The following LNPK variants were observed in gnomAD, a reference collection of about 807,000 sequenced individuals.
LNPK encodes endoplasmic reticulum junction formation protein lunapark.
Under a neutral mutation model 55.2 loss-of-function variants are expected in LNPK, and 29 were observed. The ratio of observed to expected loss-of-function variants is 0.53; its 90% CI spans 0.39 to 0.72. The LOEUF (loss-of-function observed/expected upper bound fraction) is 0.72, where lower values mean the gene tolerates loss of function less well. LNPK is among the 30% of genes least tolerant of loss of function. LNPK has a pLI of 0.00. For missense variants in LNPK, 467 were observed against 494.8 expected, an observed-to-expected ratio of 0.94 and a Z score of 0.53; for synonymous variants, 162 against 168.2, an observed-to-expected ratio of 0.96 and a Z score of 0.29.
chr2:175,970,730 A>G, intron 6 of LNPK, 34 bp downstream of exon 6: 1 of 1,126,772 alleles, frequency 8.9e-7, no homozygotes, highest in Non-Finnish European at 1.2e-6. Flanking sequence ...TTATTAGTTT[A>G]ATATAAATTA....
chr2:175,938,679 T>TA (rs1195409764), intron 10 of LNPK: 1 of 186,622 alleles, frequency 5.4e-6, no homozygotes, highest in African/African-American at 2.3e-5. Flanking sequence ...ACTGAACACT[T>TA]AAATTTTGGT....
intron 8 of LNPK, among the ~76,000 whole-genome samples, chr2:175,961,138 C>T (rs1054013146): frequency 1.3e-5 from 2 of 152,182 alleles, no homozygotes; most frequent in African/African-American, 4.8e-5. Flanking sequence ...CAAAGAGAAG[C>T]TGGCACCATT....
intron 12 of LNPK, among the ~76,000 whole-genome samples, chr2:175,933,892 T>C (rs1684410141): frequency 2.0e-5 from 3 of 152,070 alleles, no homozygotes; most frequent in Non-Finnish European, 4.4e-5. Context: ...CCACCACACC[T>C]GGATCATTTT....
At chr2:175,988,665 T>C (rs1048566569) in intron 4 of LNPK, among the ~76,000 whole-genome samples, 15 of 152,174 alleles carry the variant, frequency 9.9e-5, no homozygotes, top group African/African-American at 3.4e-4. Flanking sequence ...CAATGATTTA[T>C]TTTGGTGTAA....
chr2:175,986,362 AAAATAT>A lies in LNPK; in HGVS notation c.257+5863_257+5868del, dbSNP rs1359899702. On this transcript the variant is annotated intron_variant, in intron 4 of 12. Coordinates refer to ENST00000272748, the MANE Select transcript of LNPK (RefSeq NM_030650.3). The stretch of plus-strand genomic sequence containing the variant: ...GAAATTTTAACTAAGACAATAAATA[AAAATAT>A]AAATATATATTTGCCATCCATAAAT... Among the ~76,000 whole-genome samples the A allele has an allele frequency of 2.0e-5, 3 of 152,078 alleles. No homozygotes were observed. The East Asian group carries it at 5.8e-4, about 29-fold the overall frequency.
At chr2:175,934,252 A>G (rs1221785959) in intron 12 of LNPK, among the ~76,000 whole-genome samples, 2 of 152,224 alleles carry the variant, frequency 1.3e-5, no homozygotes, top group Non-Finnish European at 2.9e-5. Flanking sequence ...ACATTATCAA[A>G]TAGTTTAATT....
chr2:175,982,197 TG>T (rs1474283001), intron 4 of LNPK, among the ~76,000 whole-genome samples: 2 of 107,554 alleles, frequency 1.9e-5, no homozygotes, highest in African/African-American at 8.4e-5. Context: ...AGTAGCAGGC[TG>T]GAAGGAGGAC....
chr2:175,944,419 A>G (rs1685018948), intron 9 of LNPK, among the ~76,000 whole-genome samples: 1 of 152,098 alleles, frequency 6.6e-6, no homozygotes, highest in Non-Finnish European at 1.5e-5. Flanking sequence ...ACAAAAATAA[A>G]GAGTTACACA....
intron 5 of LNPK, among the ~76,000 whole-genome samples, chr2:175,973,074 A>G (rs1686736517): frequency 6.6e-6 from 1 of 152,200 alleles, no homozygotes; most frequent in African/African-American, 2.4e-5. Flanking sequence ...TGTCATTACA[A>G]TGTTGTTTTC....
intron 1 of LNPK, among the ~76,000 whole-genome samples, chr2:175,999,687 C>G (rs1168592604): frequency 6.6e-6 from 1 of 152,208 alleles, no homozygotes; most frequent in Non-Finnish European, 1.5e-5. Context: ...TGAACATGTA[C>G]AGAGTGTTTC....
At chr2:175,945,499 G>C (rs573429529) in intron 9 of LNPK, among the ~76,000 whole-genome samples, 133 of 121,610 alleles carry the variant, frequency 1.1e-3, no homozygotes, top group African/African-American at 3.8e-3. Context: ...GAACAAGACT[G>C]TGTCTCAAAA....
chr2:175,954,240 G>A (rs1487089757), intron 8 of LNPK, among the ~76,000 whole-genome samples: 1 of 152,162 alleles, frequency 6.6e-6, no homozygotes, highest in African/African-American at 2.4e-5. Context: ...TACAGAGTAT[G>A]AGCTTAATAA....
chr2:175,982,589 C>A (rs917595156), intron 4 of LNPK, among the ~76,000 whole-genome samples: 1 of 152,112 alleles, frequency 6.6e-6, no homozygotes, highest in East Asian at 1.9e-4. Flanking sequence ...GAGACAGGAT[C>A]TCACCATGTT....
At chr2:176,000,541 T>G (rs748755621) in intron 1 of LNPK, among the ~76,000 whole-genome samples, 8 of 152,206 alleles carry the variant, frequency 5.3e-5, no homozygotes, top group Non-Finnish European at 1.2e-4. Flanking sequence ...GTTTGTATTT[T>G]TACAAAAATA....
chr2:175,930,625 C>A (rs1379964821), intron 12 of LNPK, among the ~76,000 whole-genome samples: 1 of 127,656 alleles, frequency 7.8e-6, no homozygotes, highest in African/African-American at 3.0e-5. Flanking sequence ...TGTGTCCAGG[C>A]AACCCTGTGA....
intron 1 of LNPK, among the ~76,000 whole-genome samples, chr2:176,001,133 A>G (rs772048709): frequency 1.1e-4 from 17 of 152,176 alleles, no homozygotes; most frequent in Admixed American, 3.3e-4. Flanking sequence ...ATTTAAACGC[A>G]CCACTCCTGT....
At chr2:175,994,644 C>T (rs965840003) in intron 2 of LNPK, among the ~76,000 whole-genome samples, 1 of 151,896 alleles carries the variant, frequency 6.6e-6, no homozygotes, top group African/African-American at 2.4e-5. Flanking sequence ...CTCAGCCTCC[C>T]GCGTAGCTGG....
At chr2:175,973,274 A>G (rs2105660915) in intron 5 of LNPK, among the ~76,000 whole-genome samples, 1 of 152,342 alleles carries the variant, frequency 6.6e-6, no homozygotes, top group South Asian at 2.1e-4. Flanking sequence ...TTTTGAGCTC[A>G]AAATATGACA....
At chr2:175,987,989 T>C (rs1378826739) in intron 4 of LNPK, among the ~76,000 whole-genome samples, 2 of 152,230 alleles carry the variant, frequency 1.3e-5, no homozygotes, top group African/African-American at 4.8e-5. Context: ...TATAGCAGAA[T>C]ATCTCAATTC....
Sources: gnomAD v4.1 joint callset for allele counts (sites outside exome capture counted in the v4.1 genomes callset) on GRCh38, gnomAD v4.1.1 for gene constraint, MANE v1.5 for transcripts, NCBI Gene and HGNC (gene_info 2026-07-23, HGNC 2026-07-21) for gene names.